The following MR1 variants were observed in gnomAD, a reference collection of about 807,000 sequenced individuals.
The protein encoded by MR1 is major histocompatibility complex, class I-related, also known as major histocompatibility complex class I-related protein 1.
A neutral mutation model predicts 37.8 loss-of-function variants in MR1; 44 were observed. The ratio of observed to expected loss-of-function variants is 1.16; its 90% CI spans 0.91 to 1.50. MR1 has a LOEUF of 1.50. Ranked by LOEUF, MR1 falls within the 40% of genes most tolerant of loss-of-function variation. The pLI, the probability that MR1 is intolerant of heterozygous loss-of-function variation, is 0.00. For missense variants in MR1, 386 were observed against 419.1 expected, an observed-to-expected ratio of 0.92 and a Z score of 0.69; for synonymous variants, 153 against 155.8, an observed-to-expected ratio of 0.98 and a Z score of 0.13.
Position 181,060,240 on chromosome 1 carries a change from C to T in MR1, c.*4975C>T, listed in dbSNP as rs2102416153. 6.6e-6 allele frequency: 1 copy of T among 152,238 alleles called. No homozygotes were observed. The highest frequency in any genetic ancestry group is 2.1e-4 in the South Asian group (1 of 4,818). The allele number at this position is 152,238 out of a possible 1,614,324, so 9.4% of individuals were successfully genotyped here. On this transcript the variant is annotated 3_prime_UTR_variant, in exon 6 of 6. Transcript: ENST00000367580. ...TCCAAATTTCCTTTTTTCATGAGGCCATCAGTCATACTGGATTAGGGACCC... is the reference window on the plus strand; with the variant it reads ...TCCAAATTTCCTTTTTTCATGAGGCTATCAGTCATACTGGATTAGGGACCC...
At chr1:181,036,639 C>T (rs1406811922) in intron 1 of MR1, among the ~76,000 whole-genome samples, 1 of 152,222 alleles carries the variant, frequency 6.6e-6, no homozygotes, top group Non-Finnish European at 1.5e-5. Flanking sequence ...AACTCCACAG[C>T]CTGCAGTTGA....
At chr1:181,033,659 C>A (rs1317587294), upstream of MR1, among the ~76,000 whole-genome samples, 3 of 152,160 alleles carry the variant, frequency 2.0e-5, no homozygotes, top group African/African-American at 7.2e-5. Context: ...AAATTCTAAG[C>A]TCCAGGGAAG....
chr1:181,038,464 G>T (rs1657386275), intron 1 of MR1, among the ~76,000 whole-genome samples: 1 of 152,194 alleles, frequency 6.6e-6, no homozygotes, highest in South Asian at 2.1e-4. Context: ...CCTTATTAAG[G>T]CATTGGACTT....
At position 181,057,622 on chromosome 1, in the gene MR1, G is replaced by C. The variant is rs1343249495; in HGVS notation, c.*2357G>C. ...GAAGAGGAGGCAAGGACAAGGATGTGATGACAAAACATTCTGTTATGCACT... is the reference window on the plus strand; with the variant it reads ...GAAGAGGAGGCAAGGACAAGGATGTCATGACAAAACATTCTGTTATGCACT... On this transcript the variant is annotated 3_prime_UTR_variant, in exon 6 of 6. Transcript: ENST00000367580. The C allele has an allele frequency of 6.6e-6, 1 of 152,164 alleles. No individual in the cohort carries two copies. Among genetic ancestry groups the C allele is most frequent in the Non-Finnish European group, 1.5e-5 (1 of 68,034 alleles). 9.4% of individuals were successfully genotyped at this position (152,164 alleles called of 1,614,324 possible).
At chr1:181,043,079 G>A (rs1473474056) in intron 1 of MR1, among the ~76,000 whole-genome samples, 2 of 152,316 alleles carry the variant, frequency 1.3e-5, no homozygotes, top group Admixed American at 6.5e-5. Flanking sequence ...TTTTACGACA[G>A]AACTCATGCT....
intron 4 of MR1, among the ~76,000 whole-genome samples, chr1:181,053,211 A>C (rs1658422811): frequency 6.6e-6 from 1 of 151,978 alleles, no homozygotes. Context: ...CTGAGATCTC[A>C]TCTCTACAAA....
rs1300632120 is a variant in MR1, at chr1:181,033,985, A to G, written c.-23A>G. The G allele has an allele frequency of 1.2e-6, 2 of 1,601,116 alleles. No individual in the cohort carries two copies. The highest frequency in any genetic ancestry group is 2.2e-5 in the South Asian group (2 of 88,914). On this transcript the variant is annotated 5_prime_UTR_variant, in exon 1 of 6. Coordinates refer to ENST00000367580, the MANE Select transcript of MR1 (RefSeq NM_001385161.1). ...AAGGGACCTGTCAGTTTTTGGTTAA[A>G]AGAACCCGGAAAGAGAAGGACTATG... is the stretch of plus-strand genomic sequence containing the variant.
At chr1:181,033,752 T>C (rs561066668), upstream of MR1, 2 of 368,736 alleles carry the variant, frequency 5.4e-6, no homozygotes, top group African/African-American at 2.1e-5. Flanking sequence ...CTATGCTCCA[T>C]AAATATTTAA....
At chr1:181,050,468 C>A in intron 3 of MR1, 182 bp downstream of exon 3, 1 of 691,400 alleles carries the variant, frequency 1.4e-6, no homozygotes, top group Non-Finnish European at 2.4e-6. Context: ...AGCATCTTGA[C>A]AAGATTTGAC....
In MR1 at chr1:181,052,507, C is replaced by T. The variant is rs1658379525; in HGVS notation, c.877C>T (p.Gln293Ter). 2 of 1,610,706 alleles carry T rather than the reference C, an allele frequency of 1.2e-6. No homozygotes were observed. Among genetic ancestry groups the T allele is most frequent in the Non-Finnish European group, 1.7e-6 (2 of 1,177,180 alleles). Residue 293 changes from glutamine to a stop codon, truncating the protein, a stop_gained, in exon 4 of 6, where the codon CAG (glutamine) becomes TAG (stop). Transcript: ENST00000367580. LOFTEE classifies it high-confidence loss of function. The part of the protein sequence containing the change: ...CGVHMVLQVP[Q>*]ESETIPLVMK... ...TGTCCACATGGTTCTTCAGGTCCCC[C>T]AGGGTAAGGACGGGGATCGTGGCTG...
rs1658105251 is a variant in MR1, at chr1:181,048,993, G to A, written c.68-59G>A. 9 of 1,573,080 alleles carry A rather than the reference G, an allele frequency of 5.7e-6. No homozygotes were observed. The Admixed American group carries it at 1.4e-4, about 24-fold the overall frequency. ...ACTCGTGTGGGGCTAAATGAATGCAGTTGAAGGATCTGGATCATCTGGGAC... is the reference window on the plus strand; with the variant it reads ...ACTCGTGTGGGGCTAAATGAATGCAATTGAAGGATCTGGATCATCTGGGAC... On this transcript the variant is annotated intron_variant, in intron 1 of 5. Transcript: ENST00000367580.
At chr1:181,034,443 A>G (rs1657167181) in intron 1 of MR1, among the ~76,000 whole-genome samples, 1 of 150,954 alleles carries the variant, frequency 6.6e-6, no homozygotes, top group Admixed American at 6.6e-5. Context: ...GGGCATTAAC[A>G]GTGGAGTAGA....
intron 1 of MR1, among the ~76,000 whole-genome samples, chr1:181,043,648 G>A (rs1467825640): frequency 6.6e-6 from 1 of 152,146 alleles, no homozygotes; most frequent in East Asian, 1.9e-4. Flanking sequence ...GCTACAGTGA[G>A]CTGTGATCAT....
intron 1 of MR1, among the ~76,000 whole-genome samples, chr1:181,040,897 C>T (rs753504628): frequency 3.9e-5 from 6 of 152,104 alleles, no homozygotes; most frequent in South Asian, 4.2e-4. Flanking sequence ...GCCTGGCCAA[C>T]GTGGTGAAAC....
intron 1 of MR1, chr1:181,036,941 A>T (rs1306676876): frequency 3.3e-5 from 5 of 152,322 alleles, no homozygotes; most frequent in Middle Eastern, 3.4e-3. Context: ...TAGTTGCAGG[A>T]TTTGTATTAA....
In MR1 at chr1:181,060,564, A is replaced by T. The variant is rs1244953439; in HGVS notation, c.*5299A>T. 6.6e-6 allele frequency: 1 copy of T among 152,234 alleles called. No individual in the cohort carries two copies. The highest frequency in any genetic ancestry group is 6.5e-5 in the Admixed American group (1 of 15,288). The allele number at this position is 152,234 out of a possible 1,614,324, so 9.4% of individuals were successfully genotyped here. On this transcript the variant is annotated 3_prime_UTR_variant, in exon 6 of 6. Coordinates refer to ENST00000367580, the MANE Select transcript of MR1 (RefSeq NM_001385161.1). ...ACCTCTGTGAAAGGAGTTAAGCCAA[A>T]GGAATCTGTGGAATTTTGGAGAGTT...
At position 181,057,692 on chromosome 1, in the gene MR1, G is replaced by T. The variant is rs1198928070; in HGVS notation, c.*2427G>T. 2 of 152,108 alleles carry T rather than the reference G, an allele frequency of 1.3e-5. No homozygotes were observed. The highest frequency in any genetic ancestry group is 2.9e-5 in the Non-Finnish European group (2 of 68,032). 9.4% of individuals were successfully genotyped at this position (152,108 alleles called of 1,614,324 possible). ...CCTGGGGGATTTTATAATACTAAAA[G>T]AATCATAATATAAAGAGATGATTAA... is the stretch of plus-strand genomic sequence containing the variant. On this transcript the variant is annotated 3_prime_UTR_variant, in exon 6 of 6. Transcript: ENST00000367580.
chr1:181,047,209 C>G (rs895407989), intron 1 of MR1, among the ~76,000 whole-genome samples: 44 of 152,106 alleles, frequency 2.9e-4, no homozygotes, highest in African/African-American at 9.9e-4. Flanking sequence ...ACTTTTAACC[C>G]TTATTACAAT....
At chr1:181,035,920 C>T (rs1054132092) in intron 1 of MR1, among the ~76,000 whole-genome samples, 1 of 152,158 alleles carries the variant, frequency 6.6e-6, no homozygotes, top group African/African-American at 2.4e-5. Flanking sequence ...GCTGGCTGTT[C>T]TCCTTCTGAC....
Sources: allele counts gnomAD v4.1 joint callset (sites outside exome capture counted in the v4.1 genomes callset), GRCh38; gene constraint gnomAD v4.1.1; transcripts MANE v1.5; gene names NCBI Gene and HGNC (gene_info 2026-07-23, HGNC 2026-07-21).